Variants in UNC13A observed in about 807,000 individuals in gnomAD.
The protein encoded by UNC13A is protein unc-13 homolog A.
A neutral mutation model predicts 219.7 loss-of-function variants in UNC13A; 61 were observed. The ratio of observed to expected loss-of-function variants is 0.28; its 90% CI spans 0.23 to 0.34. UNC13A has a LOEUF of 0.34. UNC13A is among the 10% of genes least tolerant of loss of function. UNC13A has a pLI of 1.00. For missense variants in UNC13A, 1,476 were observed against 2,270.3 expected (o/e 0.65, Z 7.11); for synonymous variants, 920 against 884.6 (o/e 1.04, Z -0.71).
chr19:17,654,147 A>G (rs2079406951), intron 11 of UNC13A, among the ~76,000 whole-genome samples: 1 of 152,122 alleles, frequency 6.6e-6, no homozygotes, highest in Non-Finnish European at 1.5e-5. Context: ...CTTAAGTGTC[A>G]TCTCCTCCAG....
At chr19:17,687,182 A>T (rs2080129863) in intron 1 of UNC13A, among the ~76,000 whole-genome samples, 1 of 152,082 alleles carries the variant, frequency 6.6e-6, no homozygotes, top group African/African-American at 2.4e-5. Context: ...CCAGAGCCAT[A>T]AAGGTGTGGG....
intron 20 of UNC13A, 127 bp downstream of exon 20, chr19:17,642,718 G>T: frequency 2.6e-6 from 2 of 768,680 alleles, no homozygotes; most frequent in Non-Finnish European, 2.1e-6. Flanking sequence ...CAGGTAAAGG[G>T]AATGGCATGG....
At chr19:17,633,079 G>C in intron 27 of UNC13A, 29 bp downstream of exon 27, 1 of 1,613,234 alleles carries the variant, frequency 6.2e-7, no homozygotes, top group Non-Finnish European at 8.5e-7. Flanking sequence ...GTGTGGCCAG[G>C]CTGGGGAACA....
In UNC13A at chr19:17,636,117, C is replaced by G; in HGVS notation, c.3122G>C (p.Ser1041Thr). ...GGACCAGAAGTCGAGGTTCTTGATG[C>G]TGGGCCCCTGTTCCTCTGGGAGAAC... Reference protein sequence around the residue: ...GEVLPEEQGPSIKNLDFWSKL... With the variant: ...GEVLPEEQGPTIKNLDFWSKL... Residue 1041 changes from serine to threonine, a missense_variant, in exon 26 of 44, where the codon AGC becomes ACC. Ser to Thr is a moderately conservative substitution (Grantham distance 58). This residue lies in a region of UNC13A where 218 missense variants were observed against 409.4 expected (regional missense o/e 0.53). Transcript: ENST00000519716. The G allele has an allele frequency of 6.2e-7, 1 of 1,607,000 alleles. No individual in the cohort carries two copies. Among genetic ancestry groups the G allele is most frequent in the Non-Finnish European group, 8.5e-7 (1 of 1,176,534 alleles).
In UNC13A at chr19:17,674,341, C is replaced by T. The variant is rs146018493; in HGVS notation, c.152+316G>A. On this transcript the variant is annotated intron_variant, in intron 3 of 43. Coordinates refer to ENST00000519716, the MANE Select transcript of UNC13A (RefSeq NM_001080421.3). This position sits in a 1 kb window ranked among gnomAD's most constrained non-coding sequence, Gnocchi z 5.0. Reference sequence around the variant, plus strand: ...CACGGACAAGTTTGGAACATGGGAGCGACAGGATGTGATTTGCAGTTTTAA... The same window carrying T: ...CACGGACAAGTTTGGAACATGGGAGTGACAGGATGTGATTTGCAGTTTTAA... Among the ~76,000 whole-genome samples, 19 of 152,216 alleles carry T rather than the reference C, an allele frequency of 1.2e-4. No homozygotes were observed. The highest frequency in any genetic ancestry group is 2.1e-4 in the South Asian group (1 of 4,814).
Position 17,666,699 on chromosome 19 carries a change from C to G in UNC13A, c.474G>C (p.Ser158=), listed in dbSNP as rs9305092. Residue 158 remains serine (S), a synonymous_variant, in exon 7 of 44, where the codon TCG becomes TCC. Transcript: ENST00000519716. ...GAGGCTTGTCTTGCTCATCTTGGAACGAATACTGAAGGGGTGGAGGAAGGA... is the reference window on the plus strand; with the variant it reads ...GAGGCTTGTCTTGCTCATCTTGGAAGGAATACTGAAGGGGTGGAGGAAGGA... The part of the protein sequence containing the change: ...LNAMRDQDEY[S]FQDEQDKPLP... 0.84 allele frequency: 1,286,045 copies of G among 1,525,730 alleles called. 548,038 individuals are homozygous for G. Among genetic ancestry groups the G allele is most frequent in the Middle Eastern group, 0.88 (5,028 of 5,708 alleles). The allele number at this position is 1,525,730 out of a possible 1,614,324, so 94.5% of individuals were successfully genotyped here. A position where few individuals can be genotyped will look rare whatever the true frequency, so the allele number is the denominator to read the frequency against.
chr19:17,663,453 G>A, intron 8 of UNC13A, 79 bp downstream of exon 8: 1 of 1,519,390 alleles, frequency 6.6e-7, no homozygotes, highest in Non-Finnish European at 9.1e-7. Context: ...CTGTGTGGTA[G>A]TGGGGAGGGG....
At chr19:17,660,848 G>A (rs977800384) in intron 8 of UNC13A, among the ~76,000 whole-genome samples, 6 of 151,846 alleles carry the variant, frequency 4.0e-5, no homozygotes, top group African/African-American at 7.3e-5. Context: ...GCTTTTGACC[G>A]TACTGTTCGT....
In UNC13A at chr19:17,649,358, G is replaced by C; in HGVS notation, c.1519-14C>G. The C allele has an allele frequency of 6.2e-7, 1 of 1,600,466 alleles. No homozygotes were observed. Among genetic ancestry groups the C allele is most frequent in the African/African-American group, 1.3e-5 (1 of 74,860 alleles). Reference sequence around the variant, plus strand: ...ACTCACCATGGCCTGAAGTGTCCACGCAGCACATGGGGGTAGAAATCAGAC... The same window carrying C: ...ACTCACCATGGCCTGAAGTGTCCACCCAGCACATGGGGGTAGAAATCAGAC... On this transcript the variant is annotated splice_polypyrimidine_tract_variant and intron_variant, in intron 13 of 43. Coordinates refer to ENST00000519716, the MANE Select transcript of UNC13A (RefSeq NM_001080421.3). This position sits in a 1 kb window ranked among gnomAD's most constrained non-coding sequence, Gnocchi z 4.4.
rs1258449337 is a variant in UNC13A, at chr19:17,642,763, G to T, written c.2472+82C>A. ...TCAGAGGGCCAGGAGAGTGTGGATG[G>T]TGTGGCCAGAAAGAGGAAGAGCTGG... On this transcript the variant is annotated intron_variant, in intron 20 of 43. Transcript: ENST00000519716. 3.3e-6 allele frequency: 4 copies of T among 1,207,744 alleles called. No individual in the cohort carries two copies. The East Asian group carries it at 1.0e-4, about 31-fold the overall frequency. 74.8% of individuals were successfully genotyped at this position (1,207,744 alleles called of 1,614,324 possible).
chr19:17,633,617 CCCTCCACCTACCCATCTATCTATT>C (rs2076880365), intron 26 of UNC13A, among the ~76,000 whole-genome samples: 1 of 152,090 alleles, frequency 6.6e-6, no homozygotes, highest in African/African-American at 2.4e-5. Context: ...AACTATCTAT[CCCTCCACCTACCCATCTATCTATT>C]CATCCATCCA....
In UNC13A at chr19:17,649,988, C is replaced by T. The variant is rs1167264486; in HGVS notation, c.1440-401G>A. The stretch of plus-strand genomic sequence containing the variant: ...GGGAGGAATTCTCTTCTACAGATTT[C>T]AGAGGGAGCATGGCTCTACCAATGC... On this transcript the variant is annotated intron_variant, in intron 12 of 43. Transcript: ENST00000519716. The surrounding 1 kb of genome is among the most constrained non-coding windows in gnomAD (Gnocchi z 4.4). Among the ~76,000 whole-genome samples the T allele has an allele frequency of 6.6e-6, 1 of 152,134 alleles. No homozygotes were observed. The highest frequency in any genetic ancestry group is 1.5e-5 in the Non-Finnish European group (1 of 68,032).
Position 17,605,966 on chromosome 19 carries a change from TGG to T in UNC13A, c.*86_*87del. On this transcript the variant is annotated 3_prime_UTR_variant, in exon 44 of 44. Coordinates refer to ENST00000519716, the MANE Select transcript of UNC13A (RefSeq NM_001080421.3). The stretch of plus-strand genomic sequence containing the variant: ...CGTGGAGCCCCCCGAGCCCCGCCCC[TGG>T]GGAGGTCCCACCAAGGCGCAAGCCC... 1.6e-6 allele frequency: 2 copies of T among 1,257,286 alleles called. No individual in the cohort carries two copies. Among genetic ancestry groups the T allele is most frequent in the South Asian group, 3.8e-5 (2 of 52,548 alleles). The allele number at this position is 1,257,286 out of a possible 1,614,324, so 77.9% of individuals were successfully genotyped here.
At chr19:17,634,617 A>G (rs530561332) in intron 26 of UNC13A, among the ~76,000 whole-genome samples, 2 of 151,326 alleles carry the variant, frequency 1.3e-5, no homozygotes, top group East Asian at 2.0e-4. Context: ...TGGGATTACA[A>G]GCGTGAGCTG....
chr19:17,622,081 G>C (rs1483329487), intron 36 of UNC13A, among the ~76,000 whole-genome samples: 1 of 151,902 alleles, frequency 6.6e-6, no homozygotes, highest in Non-Finnish European at 1.5e-5. Flanking sequence ...AATGGTGTGA[G>C]AGGCAGAGAC....
At chr19:17,665,956 A>G (rs1043802207) in intron 7 of UNC13A, among the ~76,000 whole-genome samples, 2 of 152,144 alleles carry the variant, frequency 1.3e-5, no homozygotes, top group African/African-American at 4.8e-5. Flanking sequence ...TGGCCTGCCC[A>G]TGACCACATA....
At chr19:17,623,520 G>T in intron 36 of UNC13A, 22 bp downstream of exon 36, 1 of 1,520,998 alleles carries the variant, frequency 6.6e-7, no homozygotes, top group Non-Finnish European at 8.8e-7. Context: ...ACAGACAGAC[G>T]GACAGACGGG....
chr19:17,663,244 TG>T (rs1186667676), intron 8 of UNC13A, among the ~76,000 whole-genome samples: 5 of 151,874 alleles, frequency 3.3e-5, no homozygotes, highest in Non-Finnish European at 7.4e-5. Flanking sequence ...AGTGCCCAGC[TG>T]GAGACAAGCA....
intron 1 of UNC13A, among the ~76,000 whole-genome samples, chr19:17,680,115 G>A (rs2079978320): frequency 6.6e-6 from 1 of 151,790 alleles, no homozygotes; most frequent in Non-Finnish European, 1.5e-5. Flanking sequence ...GGGTGTTCGC[G>A]GTGAGGGAGG....
Sources: allele counts gnomAD v4.1 joint callset (sites outside exome capture counted in the v4.1 genomes callset), GRCh38; gene constraint gnomAD v4.1.1; regional missense constraint gnomAD v4.1.1; non-coding constraint Gnocchi (gnomAD v3.1); transcripts MANE v1.5; gene names NCBI Gene and HGNC (gene_info 2026-07-23, HGNC 2026-07-21).